Variants in METTL21C observed in about 807,000 individuals in gnomAD.
METTL21C encodes the protein methyltransferase 21C, AARS1 lysine.
Under a neutral mutation model 25.9 loss-of-function variants are expected in METTL21C, and 21 were observed. The observed-to-expected ratio is 0.81, with a 90% confidence interval of 0.58 to 1.17. The LOEUF (loss-of-function observed/expected upper bound fraction) is 1.17. METTL21C is among the 50% of genes most tolerant of loss of function. The probability of loss-of-function intolerance (pLI) is 0.00; values close to 1 mark genes in which losing one functional copy is unlikely to be tolerated. For synonymous variants in METTL21C, 125 were observed against 124.7 expected (o/e 1.00, Z -0.01); for missense variants, 312 against 315.1 (o/e 0.99, Z 0.07).
chr13:102,700,974 G>T, the METTL21C span, among the ~76,000 whole-genome samples: 8 of 151,862 alleles, frequency 5.3e-5, no homozygotes, highest in Non-Finnish European at 1.2e-4. Flanking sequence ...ATCATGCTCC[G>T]ATTTTAGCAA....
In METTL21C at chr13:102,695,037, G is replaced by A. The variant is rs530712669; in HGVS notation, c.-539C>T. ...GCATCCAGTTGCTGCGATGTGGTTCGAAACGTTAGACTTCCAGTTCACTTT... is the reference window on the plus strand; with the variant it reads ...GCATCCAGTTGCTGCGATGTGGTTCAAAACGTTAGACTTCCAGTTCACTTT... On this transcript the variant is annotated 5_prime_UTR_variant, in exon 1 of 4. Coordinates refer to ENST00000267273, the MANE Select transcript of METTL21C (RefSeq NM_001010977.3). 4.1e-4 allele frequency among the ~76,000 whole-genome samples: 63 copies of A among 152,206 alleles called. No individual in the cohort carries two copies. The highest frequency in any genetic ancestry group is 1.2e-3 in the African/African-American group (51 of 41,550).
At chr13:102,701,827 G>T in the METTL21C span, among the ~76,000 whole-genome samples, 2 of 152,056 alleles carry the variant, frequency 1.3e-5, no homozygotes, top group Non-Finnish European at 2.9e-5. Context: ...AAAAAGTTTG[G>T]TACAAGTCAA....
chr13:102,700,915 G>A, the METTL21C span, among the ~76,000 whole-genome samples: 6 of 151,816 alleles, frequency 4.0e-5, no homozygotes, highest in Non-Finnish European at 8.8e-5. Context: ...CCATAGCGCC[G>A]TCCGCTGCTT....
Position 102,685,911 on chromosome 13 carries a change from G to C in METTL21C, c.*120C>G, listed in dbSNP as rs1016386859. The C allele has an allele frequency of 2.2e-6, 2 of 922,812 alleles. No homozygotes were observed. Among genetic ancestry groups the C allele is most frequent in the Admixed American group, 6.5e-5 (2 of 30,850 alleles). The allele number at this position is 922,812 out of a possible 1,614,324, so 57.2% of individuals were successfully genotyped here. ...TGCAGTATTGTTACATTTGTTCCAA[G>C]TATACAAGTTGTTTCTATGCACTAC... On this transcript the variant is annotated 3_prime_UTR_variant, in exon 4 of 4. Transcript: ENST00000267273.
intron 2 of METTL21C, among the ~76,000 whole-genome samples, chr13:102,689,818 C>T (rs41377148): frequency 6.6e-6 from 1 of 152,202 alleles, no homozygotes; most frequent in Non-Finnish European, 1.5e-5. Flanking sequence ...GAGGACAGTT[C>T]ATGTGAGCTT....
chr13:102,687,046 C>G lies in METTL21C; in HGVS notation c.294G>C (p.Leu98Phe). The G allele has an allele frequency of 6.2e-7, 1 of 1,612,686 alleles. No homozygotes were observed. The highest frequency in any genetic ancestry group is 8.5e-7 in the Non-Finnish European group (1 of 1,178,688). ...CGGCATGTTCCTCCAAGTATTGACA[C>G]AAAGCCATAGCCTAAAAAATAATTA... ...GAVVWPGAMA[L>F]CQYLEEHAEE... is the part of the protein sequence containing the mutation. Residue 98 changes from leucine to phenylalanine, a missense_variant, in exon 3 of 4, where the codon TTG (leucine) becomes TTC (phenylalanine). Leu to Phe is a conservative substitution (Grantham distance 22). Transcript: ENST00000267273.
chr13:102,689,273 G>C (rs188869128), intron 2 of METTL21C, among the ~76,000 whole-genome samples: 1 of 152,068 alleles, frequency 6.6e-6, no homozygotes, highest in Admixed American at 6.6e-5. Context: ...CACTGCTGTC[G>C]TCTATTTGCT....
upstream of METTL21C, among the ~76,000 whole-genome samples, chr13:102,697,060 C>G (rs1329529182): frequency 6.6e-6 from 1 of 152,112 alleles, no homozygotes; most frequent in Non-Finnish European, 1.5e-5. Flanking sequence ...CAGATTTGGG[C>G]TCAACAGGAA....
chr13:102,688,707 G>A (rs978520845), intron 2 of METTL21C, among the ~76,000 whole-genome samples: 1 of 152,182 alleles, frequency 6.6e-6, no homozygotes, highest in African/African-American at 2.4e-5. Flanking sequence ...GGAAAAGAGT[G>A]TCACCTAGAG....
At chr13:102,694,092 A>G (rs3885617) in intron 1 of METTL21C, among the ~76,000 whole-genome samples, 63,299 of 151,930 alleles carry the variant, frequency 0.42, 13,764 homozygotes, top group East Asian at 0.78. Flanking sequence ...AGTTCTTGTT[A>G]CAAAAATACA....
chr13:102,701,385 A>T, the METTL21C span, among the ~76,000 whole-genome samples: 30 of 152,236 alleles, frequency 2.0e-4, no homozygotes, highest in South Asian at 5.6e-3. Context: ...TGCCTCTGGG[A>T]ACTTCTCCAA....
At chr13:102,698,804 C>T (rs1172365410), upstream of METTL21C, among the ~76,000 whole-genome samples, 1 of 152,202 alleles carries the variant, frequency 6.6e-6, no homozygotes, top group East Asian at 1.9e-4. Flanking sequence ...AGTGCATTGG[C>T]CTGTTACTAC....
In METTL21C at chr13:102,694,747, A is replaced by G. The variant is rs1051145464; in HGVS notation, c.-249T>C. ...CACTCTTTAATCCCCAGTGTTTTATATAGGTCTACACCTGAAAGGATTAGC... is the reference window on the plus strand; with the variant it reads ...CACTCTTTAATCCCCAGTGTTTTATGTAGGTCTACACCTGAAAGGATTAGC... On this transcript the variant is annotated 5_prime_UTR_variant, in exon 1 of 4. Coordinates refer to ENST00000267273, the MANE Select transcript of METTL21C (RefSeq NM_001010977.3). Among the ~76,000 whole-genome samples the G allele has an allele frequency of 6.6e-6, 1 of 151,986 alleles. No individual in the cohort carries two copies. Among genetic ancestry groups the G allele is most frequent in the African/African-American group, 2.4e-5 (1 of 41,370 alleles).
In METTL21C at chr13:102,690,136, G is replaced by C. The variant is rs1885787698; in HGVS notation, c.282+677C>G. ...CCCATGGAAAAGAGATGAATGGCTG[G>C]CCGGCCGGGCGTGGTGGTTCACGCT... On this transcript the variant is annotated intron_variant, in intron 2 of 3. Transcript: ENST00000267273. 2.0e-5 allele frequency among the ~76,000 whole-genome samples: 3 copies of C among 152,118 alleles called. No homozygotes were observed. The East Asian group carries it at 5.8e-4, about 29-fold the overall frequency.
At chr13:102,689,631 C>G (rs1885775282) in intron 2 of METTL21C, among the ~76,000 whole-genome samples, 3 of 152,224 alleles carry the variant, frequency 2.0e-5, no homozygotes, top group Non-Finnish European at 4.4e-5. Flanking sequence ...AACTTCTGAT[C>G]TGGAGCCTTT....
chr13:102,690,845 T>C lies in METTL21C; in HGVS notation c.250A>G (p.Ile84Val), dbSNP rs368942846. ...AGKEIVIQES[I>V]ESYGAVVWPG... ...CACACCACCGCTCCGTAACTCTCTA[T>C]GGATTCCTGGATGACAATCTCCTTT... The change falls in exon 2 of 4, where the codon ATA becomes GTA. Residue 84 changes from isoleucine (I) to valine (V), a missense_variant. Ile to Val is a conservative substitution (Grantham distance 29). Transcript: ENST00000267273. The C allele has an allele frequency of 1.2e-6, 2 of 1,614,184 alleles. No homozygotes were observed. Among genetic ancestry groups the C allele is most frequent in the Non-Finnish European group, 1.7e-6 (2 of 1,180,022 alleles).
upstream of METTL21C, among the ~76,000 whole-genome samples, chr13:102,697,407 T>G (rs1203908736): frequency 1.3e-5 from 2 of 152,054 alleles, no homozygotes; most frequent in Non-Finnish European, 2.9e-5. Context: ...CCTCCTACAA[T>G]GCACAGGACA....
At chr13:102,688,763 G>A (rs1384344018) in intron 2 of METTL21C, among the ~76,000 whole-genome samples, 1 of 152,198 alleles carries the variant, frequency 6.6e-6, no homozygotes, top group Non-Finnish European at 1.5e-5. Context: ...ATGGCTGCAG[G>A]GGTCCTTCCT....
rs1885651857 is a variant in METTL21C, at chr13:102,685,866, CTTAGAAA to C, written c.*158_*164del. On this transcript the variant is annotated 3_prime_UTR_variant, in exon 4 of 4. Coordinates refer to ENST00000267273, the MANE Select transcript of METTL21C (RefSeq NM_001010977.3). Reference sequence around the variant, plus strand: ...GATTAACCAGATAATCTTAAATTATCTTAGAAATTAGAAAGTTTCTGCAGTATTGTTA... The same window carrying C: ...GATTAACCAGATAATCTTAAATTATCTTAGAAAGTTTCTGCAGTATTGTTA... 3 of 588,292 alleles carry C rather than the reference CTTAGAAA, an allele frequency of 5.1e-6. No homozygotes were observed. The highest frequency in any genetic ancestry group is 3.0e-5 in the East Asian group (1 of 32,794). 36.4% of individuals were successfully genotyped at this position (588,292 alleles called of 1,614,324 possible). A position where few individuals can be genotyped will look rare whatever the true frequency, so the allele number is the denominator to read the frequency against.
Sources: gnomAD v4.1 joint callset for allele counts (sites outside exome capture counted in the v4.1 genomes callset) on GRCh38, gnomAD v4.1.1 for gene constraint, MANE v1.5 for transcripts, NCBI Gene and HGNC (gene_info 2026-07-23, HGNC 2026-07-21) for gene names.